MYT1: variants seen among roughly 807,000 people sequenced by gnomAD.
MYT1 encodes myelin transcription factor 1.
In MYT1, 23 loss-of-function variants were observed where a neutral mutation model predicts 123.0. The ratio of observed to expected loss-of-function variants is 0.19; its 90% CI spans 0.13 to 0.26. The LOEUF (loss-of-function observed/expected upper bound fraction) is 0.26. MYT1 is among the 10% of genes least tolerant of loss of function. The pLI is 1.00. For synonymous variants in MYT1, 518 were observed against 575.3 expected (o/e 0.90, Z 1.43); for missense variants, 1,125 against 1,472.5 (o/e 0.76, Z 3.86).
At chr20:64,199,715 TC>T (rs1295761131) in intron 3 of MYT1, among the ~76,000 whole-genome samples, 176 bp from the exon 4 acceptor site, 1 of 152,180 alleles carries the variant, frequency 6.6e-6, no homozygotes, top group Admixed American at 6.5e-5. Context: ...TGGAGGACTC[TC>T]TGGGAGGTCA....
In MYT1 at chr20:64,241,389, A is replaced by G. The variant is rs992979816; in HGVS notation, c.*941A>G. 3.3e-5 allele frequency: 5 copies of G among 152,532 alleles called. No individual in the cohort carries two copies. Among genetic ancestry groups the G allele is most frequent in the Non-Finnish European group, 7.3e-5 (5 of 68,046 alleles). The allele number at this position is 152,532 out of a possible 1,614,324, so 9.4% of individuals were successfully genotyped here. A position where few individuals can be genotyped will look rare whatever the true frequency, so the allele number is the denominator to read the frequency against. On this transcript the variant is annotated 3_prime_UTR_variant, in exon 23 of 23. Transcript: ENST00000328439. The surrounding 1 kb of genome is among the most constrained non-coding windows in gnomAD (Gnocchi z 4.2). ...CTTTTAGATCCATCCAATATGCGAAAAAAGGGTACATTTTAATTTAATGTG... is the reference window on the plus strand; with the variant it reads ...CTTTTAGATCCATCCAATATGCGAAGAAAGGGTACATTTTAATTTAATGTG...
At position 64,223,377 on chromosome 20, in the gene MYT1, G is replaced by A; in HGVS notation, c.2528+18G>A. On this transcript the variant is annotated intron_variant, in intron 16 of 22. Transcript: ENST00000328439. The stretch of plus-strand genomic sequence containing the variant: ...GACCTCAAGTATGTTTGCGCTCCCT[G>A]ACCTCCTGTCTCTTGGGCGGCACCC... The A allele has an allele frequency of 2.5e-6, 4 of 1,613,762 alleles. No homozygotes were observed. Among genetic ancestry groups the A allele is most frequent in the East Asian group, 2.2e-5 (1 of 44,848 alleles).
rs1465829429 is a variant in MYT1 at position 64,202,697 on chromosome 20, G to A, written c.87-2338G>A. On this transcript the variant is annotated intron_variant, in intron 4 of 22. Coordinates refer to ENST00000328439, the MANE Select transcript of MYT1 (RefSeq NM_004535.3). The surrounding 1 kb of genome is among the most constrained non-coding windows in gnomAD (Gnocchi z 5.0). ...CCTCTCCTGACTTGTCTCCTTTGAC[G>A]CCTACTTTTCAAGTTTGGGTCCCTC... Among the ~76,000 whole-genome samples, 4 of 152,118 alleles carry A rather than the reference G, an allele frequency of 2.6e-5. No homozygotes were observed. Among genetic ancestry groups the A allele is most frequent in the South Asian group, 2.1e-4 (1 of 4,824 alleles).
At position 64,241,349 on chromosome 20, in the gene MYT1, A is replaced by G. The variant is rs1248173285; in HGVS notation, c.*901A>G. On this transcript the variant is annotated 3_prime_UTR_variant, in exon 23 of 23. Transcript: ENST00000328439. This position sits in a 1 kb window ranked among gnomAD's most constrained non-coding sequence, Gnocchi z 4.2. Reference sequence around the variant, plus strand: ...GAGGGTAAATTCCTAACAGGAGACCACAAAGGTTTCACTTCTTTTAGATCC... The same window carrying G: ...GAGGGTAAATTCCTAACAGGAGACCGCAAAGGTTTCACTTCTTTTAGATCC... The G allele has an allele frequency of 3.3e-5, 5 of 152,420 alleles. No homozygotes were observed. Among genetic ancestry groups the G allele is most frequent in the Non-Finnish European group, 4.4e-5 (3 of 68,036 alleles). The allele number at this position is 152,420 out of a possible 1,614,324, so 9.4% of individuals were successfully genotyped here.
At chr20:64,237,189 C>T in intron 20 of MYT1, 98 bp from the exon 21 acceptor site, 1 of 899,108 alleles carries the variant, frequency 1.1e-6, no homozygotes, top group Non-Finnish European at 1.8e-6. Context: ...CTCTGCTGCA[C>T]AGGGGGTTTC....
At chr20:64,214,683 A>G (rs899754242) in intron 10 of MYT1, among the ~76,000 whole-genome samples, 1 of 152,186 alleles carries the variant, frequency 6.6e-6, no homozygotes, top group Admixed American at 6.5e-5. Flanking sequence ...GAACTCACAC[A>G]CAGCTCCTCC....
chr20:64,165,552 T>C (rs926395244), intron 1 of MYT1, among the ~76,000 whole-genome samples: 1 of 152,210 alleles, frequency 6.6e-6, no homozygotes, highest in African/African-American at 2.4e-5. Flanking sequence ...AATAAACAAG[T>C]GCTGGTGGCT....
intron 16 of MYT1, among the ~76,000 whole-genome samples, chr20:64,224,900 A>C (rs1177981379): frequency 6.6e-6 from 1 of 152,188 alleles, no homozygotes; most frequent in Non-Finnish European, 1.5e-5. Flanking sequence ...TGGGCGGATG[A>C]AAGGAGCTTG....
Position 64,185,077 on chromosome 20 carries a change from A to C in MYT1, c.-98-4986A>C, listed in dbSNP as rs1447527413. Among the ~76,000 whole-genome samples the C allele has an allele frequency of 1.3e-5, 2 of 152,158 alleles. No homozygotes were observed. The highest frequency in any genetic ancestry group is 2.9e-5 in the Non-Finnish European group (2 of 68,034). ...GGTGGGGAGTGAAGCGTAGTTATGAAGCAGGAGGAGATGGAGAGGGGGCTG... is the reference window on the plus strand; with the variant it reads ...GGTGGGGAGTGAAGCGTAGTTATGACGCAGGAGGAGATGGAGAGGGGGCTG... On this transcript the variant is annotated intron_variant, in intron 1 of 22. Coordinates refer to ENST00000328439, the MANE Select transcript of MYT1 (RefSeq NM_004535.3). This position sits in a 1 kb window ranked among gnomAD's most constrained non-coding sequence, Gnocchi z 4.5.
At position 64,240,723 on chromosome 20, in the gene MYT1, C is replaced by T. The variant is rs1984695234; in HGVS notation, c.*275C>T. 5.5e-6 allele frequency: 2 copies of T among 363,610 alleles called. No individual in the cohort carries two copies. Among genetic ancestry groups the T allele is most frequent in the Non-Finnish European group, 9.9e-6 (2 of 201,556 alleles). 22.5% of individuals were successfully genotyped at this position (363,610 alleles called of 1,614,324 possible). ...TCTGAAAGAAATCTGAAGAGCAGCT[C>T]AAAGTCTCCAGTGGAAGCTCATGGA... On this transcript the variant is annotated 3_prime_UTR_variant, in exon 23 of 23. Transcript: ENST00000328439.
Position 64,166,323 on chromosome 20 carries a change from T to C in MYT1, c.-99+1584T>C, listed in dbSNP as rs140329003. Among the ~76,000 whole-genome samples the C allele has an allele frequency of 8.1e-4, 124 of 152,236 alleles. No homozygotes were observed. Among genetic ancestry groups the C allele is most frequent in the African/African-American group, 2.8e-3 (115 of 41,532 alleles). ...TTTGTTTTCAAAGAGAAGGAGGCAG[T>C]CTTATGGATTCTTCTGTCCCGTAGA... On this transcript the variant is annotated intron_variant, in intron 1 of 22. Coordinates refer to ENST00000328439, the MANE Select transcript of MYT1 (RefSeq NM_004535.3). This position sits in a 1 kb window ranked among gnomAD's most constrained non-coding sequence, Gnocchi z 4.9.
At chr20:64,206,800 A>G (rs2983456) in intron 6 of MYT1, among the ~76,000 whole-genome samples, 14,026 of 152,252 alleles carry the variant, frequency 0.092, 828 homozygotes, top group African/African-American at 0.15. Context: ...CCTCCGAAGT[A>G]GGTGGATGGC....
rs567271092 is a variant in MYT1 at position 64,168,077 on chromosome 20, C to A, written c.-99+3338C>A. 2.0e-5 allele frequency among the ~76,000 whole-genome samples: 3 copies of A among 152,230 alleles called. No individual in the cohort carries two copies. The highest frequency in any genetic ancestry group is 7.2e-5 in the African/African-American group (3 of 41,452). On this transcript the variant is annotated intron_variant, in intron 1 of 22. Coordinates refer to ENST00000328439, the MANE Select transcript of MYT1 (RefSeq NM_004535.3). The surrounding 1 kb of genome is among the most constrained non-coding windows in gnomAD (Gnocchi z 6.1). ...CTGGAGGCCTGGGGGGTGGAATGTG[C>A]TTTCACGGCCTCTTGAGGTTCCCGG...
rs573043169 is a variant in MYT1, at chr20:64,185,886, C to T, written c.-98-4177C>T. On this transcript the variant is annotated intron_variant, in intron 1 of 22. Coordinates refer to ENST00000328439, the MANE Select transcript of MYT1 (RefSeq NM_004535.3). This position sits in a 1 kb window ranked among gnomAD's most constrained non-coding sequence, Gnocchi z 4.5. ...CCTTGGGGTAGGCCAGCAGCACTTC[C>T]TGGGAAGAGCCCAGCAGAGCACTGG... Among the ~76,000 whole-genome samples the T allele has an allele frequency of 6.6e-6, 1 of 152,324 alleles. No individual in the cohort carries two copies. Among genetic ancestry groups the T allele is most frequent in the South Asian group, 2.1e-4 (1 of 4,828 alleles).
At position 64,192,643 on chromosome 20, in the gene MYT1, C is replaced by T. The variant is rs908697810; in HGVS notation, c.-1+2483C>T. On this transcript the variant is annotated intron_variant, in intron 2 of 22. Transcript: ENST00000328439. The surrounding 1 kb of genome is among the most constrained non-coding windows in gnomAD (Gnocchi z 5.3). ...TGCCAGAAGTCAGGTGGTCGTGTGT[C>T]GGGGTATGCAGGAGCTGATGGTAGC... 1.3e-5 allele frequency among the ~76,000 whole-genome samples: 2 copies of T among 152,206 alleles called. No homozygotes were observed. Among genetic ancestry groups the T allele is most frequent in the African/African-American group, 2.4e-5 (1 of 41,458 alleles).
intron 14 of MYT1, among the ~76,000 whole-genome samples, chr20:64,222,561 T>C (rs1437275067): frequency 6.6e-6 from 1 of 152,244 alleles, no homozygotes; most frequent in East Asian, 1.9e-4. Context: ...CTGATGGATA[T>C]GAATCAGATG....
At position 64,186,196 on chromosome 20, in the gene MYT1, C is replaced by A. The variant is rs1982796004; in HGVS notation, c.-98-3867C>A. Reference sequence around the variant, plus strand: ...AGTGAGTGTGGGGCCACCATGGGGACAGATGTGGGGGTTACCTTGAGCAGG... The same window carrying A: ...AGTGAGTGTGGGGCCACCATGGGGAAAGATGTGGGGGTTACCTTGAGCAGG... On this transcript the variant is annotated intron_variant, in intron 1 of 22. Transcript: ENST00000328439. This position sits in a 1 kb window ranked among gnomAD's most constrained non-coding sequence, Gnocchi z 4.3. Among the ~76,000 whole-genome samples the A allele has an allele frequency of 6.6e-6, 1 of 152,118 alleles. No homozygotes were observed. Among genetic ancestry groups the A allele is most frequent in the East Asian group, 1.9e-4 (1 of 5,188 alleles).
rs918050541 is a variant in MYT1, at chr20:64,205,868, G to A, written c.397+68G>A. ...GTGGCCCTGGAGAATTGCAGCCTGT[G>A]AGCGGGGAGGGGCTCACTCCGGGCA... is the stretch of plus-strand genomic sequence containing the variant. On this transcript the variant is annotated intron_variant, in intron 6 of 22. Transcript: ENST00000328439. The A allele has an allele frequency of 8.9e-6, 14 of 1,575,548 alleles. No individual in the cohort carries two copies. The African/African-American group carries it at 1.9e-4, about 21-fold the overall frequency.
rs1466377370 is a variant in MYT1, at chr20:64,218,523, T to TAAAAAAAA, written c.1847-387_1847-386insAAAAAAAA. On this transcript the variant is annotated intron_variant, in intron 11 of 22. Coordinates refer to ENST00000328439, the MANE Select transcript of MYT1 (RefSeq NM_004535.3). The surrounding 1 kb of genome is among the most constrained non-coding windows in gnomAD (Gnocchi z 4.0). The stretch of plus-strand genomic sequence containing the variant: ...ATTCACAGAATGCTTCAGTTTCTGA[T>TAAAAAAAA]AGACAAGTTATTTTTGTTTGAAATA... Among the ~76,000 whole-genome samples the TAAAAAAAA allele has an allele frequency of 6.6e-6, 1 of 152,234 alleles. No individual in the cohort carries two copies. Among genetic ancestry groups the TAAAAAAAA allele is most frequent in the Non-Finnish European group, 1.5e-5 (1 of 68,040 alleles).
Sources: gnomAD v4.1 joint callset for allele counts (sites outside exome capture counted in the v4.1 genomes callset) on GRCh38, gnomAD v4.1.1 for gene constraint, Gnocchi (gnomAD v3.1) non-coding constraint, MANE v1.5 for transcripts, NCBI Gene and HGNC (gene_info 2026-07-23, HGNC 2026-07-21) for gene names.